The following LMX1B variants were observed in gnomAD, a reference collection of about 807,000 sequenced individuals.
The protein encoded by LMX1B is LIM homeobox transcription factor 1-beta.
A neutral mutation model predicts 51.4 loss-of-function variants in LMX1B; 12 were observed. That is an observed-to-expected ratio of 0.23 (90% CI 0.15 to 0.38). The LOEUF (loss-of-function observed/expected upper bound fraction) is 0.38. LMX1B is among the 10% of genes least tolerant of loss of function. The pLI, the probability that LMX1B is intolerant of heterozygous loss-of-function variation, is 1.00. For synonymous variants in LMX1B, 237 were observed against 235.4 expected (o/e 1.01, Z -0.06); for missense variants, 445 against 571.1 (o/e 0.78, Z 2.25).
intron 2 of LMX1B, among the ~76,000 whole-genome samples, chr9:126,630,301 C>G (rs983741281): frequency 1.3e-5 from 2 of 152,084 alleles, no homozygotes; most frequent in African/African-American, 4.8e-5. Flanking sequence ...TCTGCGGGTG[C>G]CACAACCTGC....
intron 2 of LMX1B, among the ~76,000 whole-genome samples, chr9:126,650,760 A>G (rs1218188170): frequency 6.6e-6 from 1 of 152,124 alleles, no homozygotes; most frequent in African/African-American, 2.4e-5. Flanking sequence ...CTGCAGCAAA[A>G]CTTGCTGCGC....
At chr9:126,672,779 A>G (rs1280379804) in intron 2 of LMX1B, among the ~76,000 whole-genome samples, 1 of 152,198 alleles carries the variant, frequency 6.6e-6, no homozygotes, top group Non-Finnish European at 1.5e-5. Flanking sequence ...CACACAGCCC[A>G]GGACAGAATC....
At chr9:126,680,950 G>A (rs1266897776) in intron 2 of LMX1B, among the ~76,000 whole-genome samples, 1 of 152,144 alleles carries the variant, frequency 6.6e-6, no homozygotes, top group African/African-American at 2.4e-5. Flanking sequence ...AGGATGGTCA[G>A]AGGGATGTGA....
intron 2 of LMX1B, among the ~76,000 whole-genome samples, chr9:126,633,725 G>A (rs1046596648): frequency 3.3e-5 from 5 of 152,164 alleles, no homozygotes; most frequent in African/African-American, 7.2e-5. Context: ...TATACAGCAC[G>A]CACATAATTA....
In LMX1B at chr9:126,614,505, C is replaced by A. The variant is rs750589984; in HGVS notation, c.56C>A (p.Thr19Lys). 8.7e-6 allele frequency: 14 copies of A among 1,606,254 alleles called. No individual in the cohort carries two copies. The South Asian group carries it at 1.2e-4, about 14-fold the overall frequency. ...SLERCFPRGQTDCAKMLDGIK... is the reference protein window; with the variant it reads ...SLERCFPRGQKDCAKMLDGIK... Reference sequence around the variant, plus strand: ...GAGAGGTGCTTCCCTCGCGGGCAGACGGACTGCGCCAAGATGTTGGACGGC... The same window carrying A: ...GAGAGGTGCTTCCCTCGCGGGCAGAAGGACTGCGCCAAGATGTTGGACGGC... The change falls in exon 1 of 8, where the codon ACG becomes AAG. Residue 19 changes from threonine to lysine, a missense_variant. Around this residue, in one of 3 missense-constraint regions of LMX1B, gnomAD observed 273 missense variants for 343.3 expected, o/e 0.80. Coordinates refer to ENST00000373474, the MANE Select transcript of LMX1B (RefSeq NM_001174147.2).
At chr9:126,662,196 C>T (rs764318050) in intron 2 of LMX1B, among the ~76,000 whole-genome samples, 14 of 152,306 alleles carry the variant, frequency 9.2e-5, no homozygotes, top group Non-Finnish European at 1.5e-4. Context: ...TCAGGTTTCT[C>T]GTCTGTACAA....
intron 2 of LMX1B, among the ~76,000 whole-genome samples, chr9:126,646,887 C>A (rs932279261): frequency 6.7e-6 from 1 of 150,236 alleles, no homozygotes; most frequent in African/African-American, 2.4e-5. Flanking sequence ...CACAGTCTAA[C>A]AAGGGGGTAG....
At chr9:126,686,611 G>A (rs973527968) in intron 2 of LMX1B, among the ~76,000 whole-genome samples, 1 of 152,186 alleles carries the variant, frequency 6.6e-6, no homozygotes, top group Non-Finnish European at 1.5e-5. Context: ...AGAACTTGAG[G>A]TGAATCGGGC....
chr9:126,672,847 C>A (rs1836484501), intron 2 of LMX1B, among the ~76,000 whole-genome samples: 1 of 152,214 alleles, frequency 6.6e-6, no homozygotes, highest in South Asian at 2.1e-4. Context: ...CCCAGAGGCA[C>A]TGGTAAGCGG....
At chr9:126,665,297 C>A (rs1016333770) in intron 2 of LMX1B, among the ~76,000 whole-genome samples, 1 of 152,234 alleles carries the variant, frequency 6.6e-6, no homozygotes, top group Non-Finnish European at 1.5e-5. Context: ...TGGGCCTCCC[C>A]CTGGAGCCAG....
rs191584459 is a variant in LMX1B, at chr9:126,698,124, C to T, written c.*1673C>T. ...CCCCGACCTCAGGTGATCCGCCTGC[C>T]TCGGCCTCCCAAAGTGCTGGGATTA... On this transcript the variant is annotated 3_prime_UTR_variant, in exon 8 of 8. Coordinates refer to ENST00000373474, the MANE Select transcript of LMX1B (RefSeq NM_001174147.2). 2 of 152,588 alleles carry T rather than the reference C, an allele frequency of 1.3e-5. No individual in the cohort carries two copies. The highest frequency in any genetic ancestry group is 2.9e-5 in the Non-Finnish European group (2 of 68,342). The allele number at this position is 152,588 out of a possible 1,614,324, so 9.5% of individuals were successfully genotyped here. A position where few individuals can be genotyped will look rare whatever the true frequency, so the allele number is the denominator to read the frequency against.
At chr9:126,687,556 A>G (rs1184901445) in intron 2 of LMX1B, among the ~76,000 whole-genome samples, 9 of 152,168 alleles carry the variant, frequency 5.9e-5, no homozygotes. Flanking sequence ...TAGATGAAGA[A>G]TTTGAGGTTC....
intron 2 of LMX1B, among the ~76,000 whole-genome samples, chr9:126,621,652 C>CCTTT (rs1564145908): frequency 1.0e-5 from 1 of 100,306 alleles, no homozygotes. Flanking sequence ...CTCTCTCTCT[C>CCTTT]TTCTTTTTTT....
In LMX1B at chr9:126,677,680, GCA is replaced by G. The variant is rs1048644432; in HGVS notation, c.327-13153_327-13152del. 2.6e-5 allele frequency among the ~76,000 whole-genome samples: 4 copies of G among 152,204 alleles called. No individual in the cohort carries two copies. Among genetic ancestry groups the G allele is most frequent in the African/African-American group, 9.6e-5 (4 of 41,452 alleles). On this transcript the variant is annotated intron_variant, in intron 2 of 7. Transcript: ENST00000373474. The surrounding 1 kb of genome is among the most constrained non-coding windows in gnomAD (Gnocchi z 5.0). The stretch of plus-strand genomic sequence containing the variant: ...GAGGCCCCTGAGTGTGAAGCTCTGA[GCA>G]CAGGGCTGAACTGGTTCCCGTGAGT...
At chr9:126,647,492 C>T (rs1042064864) in intron 2 of LMX1B, among the ~76,000 whole-genome samples, 10 of 152,168 alleles carry the variant, frequency 6.6e-5, no homozygotes, top group East Asian at 1.9e-4. Flanking sequence ...CACTGTGCAC[C>T]GGCATAGTGT....
intron 2 of LMX1B, among the ~76,000 whole-genome samples, chr9:126,616,063 A>G (rs1835298113): frequency 6.6e-6 from 1 of 152,218 alleles, no homozygotes; most frequent in Admixed American, 6.5e-5. Context: ...CCTTTCTGCC[A>G]GGCTCACTGC....
At chr9:126,668,741 A>G (rs761580902) in intron 2 of LMX1B, among the ~76,000 whole-genome samples, 13 of 152,162 alleles carry the variant, frequency 8.5e-5, no homozygotes, top group African/African-American at 1.9e-4. Context: ...GGCATGAGCC[A>G]CCGTGCCTGG....
chr9:126,680,044 C>T (rs1361861325), intron 2 of LMX1B, among the ~76,000 whole-genome samples: 9 of 152,346 alleles, frequency 5.9e-5, no homozygotes, highest in East Asian at 3.9e-4. Flanking sequence ...TGCAGGGCCC[C>T]GGAGAGAAAT....
chr9:126,645,014 C>T (rs10987380), intron 2 of LMX1B, among the ~76,000 whole-genome samples: 6,543 of 152,236 alleles, frequency 0.043, 507 homozygotes, highest in East Asian at 0.24. Context: ...CCTATGGAGA[C>T]ACTCGGCTCC....
Sources: allele counts gnomAD v4.1 joint callset (sites outside exome capture counted in the v4.1 genomes callset), GRCh38; gene constraint gnomAD v4.1.1; regional missense constraint gnomAD v4.1.1; non-coding constraint Gnocchi (gnomAD v3.1); transcripts MANE v1.5; gene names NCBI Gene and HGNC (gene_info 2026-07-23, HGNC 2026-07-21).